ARHGEF3: variants seen among roughly 807,000 people sequenced by gnomAD.
ARHGEF3 encodes the protein 59.8 kDA protein.
A neutral mutation model predicts 63.2 loss-of-function variants in ARHGEF3; 28 were observed. That is an observed-to-expected ratio of 0.44 (90% CI 0.33 to 0.61). The LOEUF (loss-of-function observed/expected upper bound fraction) is 0.61, where lower values mean the gene tolerates loss of function less well. ARHGEF3 is among the 20% of genes least tolerant of loss of function. The pLI is 0.03. For missense variants in ARHGEF3, 533 were observed against 659.3 expected (o/e 0.81, Z 2.10); for synonymous variants, 266 against 254.2 (o/e 1.05, Z -0.44).
At chr3:56,944,018 A>G (rs1423904894) in intron 3 of ARHGEF3, among the ~76,000 whole-genome samples, 1 of 151,786 alleles carries the variant, frequency 6.6e-6, no homozygotes, top group Non-Finnish European at 1.5e-5. Flanking sequence ...TCTACTAAAA[A>G]TACTAAAATT....
chr3:56,741,141 A>C (rs1185419894), intron 7 of ARHGEF3, among the ~76,000 whole-genome samples: 2 of 150,512 alleles, frequency 1.3e-5, no homozygotes, highest in Non-Finnish European at 2.9e-5. Flanking sequence ...TTGTCTTTCT[A>C]TCTACCTGAA....
At chr3:56,774,692 G>A (rs1173376233) in intron 1 of ARHGEF3, among the ~76,000 whole-genome samples, 1 of 152,088 alleles carries the variant, frequency 6.6e-6, no homozygotes, top group Non-Finnish European at 1.5e-5. Context: ...ACGAGGTCAG[G>A]AGTTCAAGAC....
intron 2 of ARHGEF3, among the ~76,000 whole-genome samples, chr3:56,770,656 A>G (rs2035957381): frequency 6.6e-6 from 1 of 152,126 alleles, no homozygotes; most frequent in South Asian, 2.1e-4. Context: ...CTAACTCTGC[A>G]TACAACTTGA....
intron 2 of ARHGEF3, among the ~76,000 whole-genome samples, chr3:57,029,049 G>A (rs112386968): frequency 1.7e-4 from 25 of 151,286 alleles, no homozygotes; most frequent in African/African-American, 5.8e-4. Flanking sequence ...TGAGGGACCA[G>A]ATCTGGGGCT....
chr3:56,842,596 C>T (rs2039349075), intron 4 of ARHGEF3, among the ~76,000 whole-genome samples: 1 of 152,156 alleles, frequency 6.6e-6, no homozygotes, highest in South Asian at 2.1e-4. Flanking sequence ...CATCATTTAA[C>T]TCCCTCATCT....
chr3:56,970,930 A>AC (rs1435246928), intron 2 of ARHGEF3, among the ~76,000 whole-genome samples: 1 of 151,508 alleles, frequency 6.6e-6, no homozygotes, highest in African/African-American at 2.4e-5. Context: ...TACTAACAAG[A>AC]CCCCCCTCTC....
intron 2 of ARHGEF3, among the ~76,000 whole-genome samples, chr3:56,962,436 T>C (rs951499935): frequency 6.6e-6 from 1 of 152,252 alleles, no homozygotes; most frequent in African/African-American, 2.4e-5. Context: ...GTCTATCGTC[T>C]GTGTCCAGCC....
At chr3:56,856,140 G>C (rs1249393865) in intron 4 of ARHGEF3, among the ~76,000 whole-genome samples, 2 of 152,154 alleles carry the variant, frequency 1.3e-5, no homozygotes, top group East Asian at 3.9e-4. Flanking sequence ...GACAATCTGA[G>C]TCCATAACCA....
chr3:56,996,892 T>A (rs1415419003), intron 2 of ARHGEF3, among the ~76,000 whole-genome samples: 2 of 122,524 alleles, frequency 1.6e-5, no homozygotes, highest in Non-Finnish European at 3.4e-5. Context: ...TTATTATTAT[T>A]TTTTTTTTTT....
intron 4 of ARHGEF3, among the ~76,000 whole-genome samples, chr3:56,836,815 T>C (rs145652726): frequency 7.0e-4 from 106 of 152,234 alleles, no homozygotes; most frequent in African/African-American, 2.3e-3. Flanking sequence ...TAGTCTCAGC[T>C]ACCTAGGAGG....
chr3:57,007,544 C>A lies in ARHGEF3; in HGVS notation c.62+27544G>T, dbSNP rs972710152. On this transcript the variant is annotated intron_variant, in intron 2 of 12. Transcript: ENST00000338458. Reference sequence around the variant, plus strand: ...CAGGGGATGGATGCTTTGACCCGAACACACAATGTTTTTCAAAAACAGAGG... The same window carrying A: ...CAGGGGATGGATGCTTTGACCCGAAAACACAATGTTTTTCAAAAACAGAGG... 6.4e-4 allele frequency among the ~76,000 whole-genome samples: 98 copies of A among 152,308 alleles called. 1 individual carries two copies. Among genetic ancestry groups the A allele is most frequent in the African/African-American group, 2.2e-3 (93 of 41,564 alleles).
intron 1 of ARHGEF3, chr3:56,775,020 T>C: frequency 6.5e-7 from 1 of 1,546,780 alleles, no homozygotes; most frequent in Non-Finnish European, 8.7e-7. Context: ...CTAAGCTCCA[T>C]CTGACCTGTA....
intron 1 of ARHGEF3, among the ~76,000 whole-genome samples, chr3:57,075,810 T>TAAAAAAG (rs1242181290): frequency 1.3e-5 from 2 of 151,956 alleles, no homozygotes; most frequent in Non-Finnish European, 2.9e-5. Flanking sequence ...ACCCTATCTC[T>TAAAAAAG]AAAAAAGAAA....
At chr3:56,769,188 T>A (rs528116578) in intron 2 of ARHGEF3, among the ~76,000 whole-genome samples, 7 of 152,168 alleles carry the variant, frequency 4.6e-5, no homozygotes, top group Non-Finnish European at 8.8e-5. Context: ...AACACAACAT[T>A]CCATAGCATG....
upstream of ARHGEF3, among the ~76,000 whole-genome samples, chr3:56,803,495 GAAAAGAAAAGAA>G (rs531048048): frequency 2.9e-4 from 44 of 151,780 alleles, no homozygotes; most frequent in South Asian, 3.1e-3. Context: ...AAAAAGAAAA[GAAAAGAAAAGAA>G]AAAAGAAAAG....
chr3:56,999,257 G>T (rs1030210046), intron 2 of ARHGEF3, among the ~76,000 whole-genome samples: 8 of 152,018 alleles, frequency 5.3e-5, no homozygotes, highest in Non-Finnish European at 1.2e-4. Context: ...CACCATGTTG[G>T]CCAGACTGGT....
intron 9 of ARHGEF3, among the ~76,000 whole-genome samples, chr3:56,730,365 A>G (rs79523674): frequency 0.018 from 2,693 of 152,042 alleles, 86 homozygotes; most frequent in African/African-American, 0.061. Flanking sequence ...GTAGTCCACA[A>G]TATGGAAGAC....
At chr3:56,942,574 A>C (rs878922779) in intron 3 of ARHGEF3, among the ~76,000 whole-genome samples, 1 of 152,146 alleles carries the variant, frequency 6.6e-6, no homozygotes, top group Non-Finnish European at 1.5e-5. Context: ...TAGGCCATTC[A>C]ATAACCCTAG....
chr3:57,011,722 A>G (rs564001859), intron 2 of ARHGEF3, among the ~76,000 whole-genome samples: 1 of 152,346 alleles, frequency 6.6e-6, no homozygotes, highest in South Asian at 2.1e-4. Context: ...CTGCTGTGTG[A>G]CCTGAAACTT....
Sources: allele counts gnomAD v4.1 joint callset (sites outside exome capture counted in the v4.1 genomes callset), GRCh38; gene constraint gnomAD v4.1.1; transcripts MANE v1.5; gene names NCBI Gene and HGNC (gene_info 2026-07-23, HGNC 2026-07-21).